Variants in PATL1 observed in about 807,000 individuals in gnomAD.
PATL1 encodes protein PAT1 homolog 1.
PATL1 carries 32 observed loss-of-function variants against 100.6 expected under a neutral mutation model. The ratio of observed to expected loss-of-function variants is 0.32; its 90% CI spans 0.24 to 0.43. The LOEUF is 0.43. Among genes scored for constraint, PATL1 ranks in the 20% least tolerant of loss-of-function variants. PATL1 has a pLI of 1.00. For synonymous variants in PATL1, 332 were observed against 330.0 expected (o/e 1.01, Z -0.07); for missense variants, 747 against 949.9 (o/e 0.79, Z 2.81).
intron 4 of PATL1, among the ~76,000 whole-genome samples, chr11:59,658,250 G>A (rs890516919): frequency 2.0e-5 from 3 of 151,298 alleles, no homozygotes; most frequent in African/African-American, 7.3e-5. Context: ...TGTAGTTAAC[G>A]CCTCCTGCCA....
chr11:59,649,691 T>C, intron 13 of PATL1, 81 bp from the exon 14 acceptor site: 1 of 1,366,762 alleles, frequency 7.3e-7, no homozygotes, highest in Non-Finnish European at 9.8e-7. Flanking sequence ...AGTTTAGGAC[T>C]ACTAGCTAAA....
At position 59,639,005 on chromosome 11, in the gene PATL1, C is replaced by T. The variant is rs1190715733; in HGVS notation, c.2291+43G>A. On this transcript the variant is annotated intron_variant, in intron 18 of 18. Transcript: ENST00000300146. Reference sequence around the variant, plus strand: ...GCCTCCCAACCATAACTTCTAAAGTCCCAACTTTAGTGAGATGTGAAACTC... The same window carrying T: ...GCCTCCCAACCATAACTTCTAAAGTTCCAACTTTAGTGAGATGTGAAACTC... 4 of 1,593,510 alleles carry T rather than the reference C, an allele frequency of 2.5e-6. No homozygotes were observed. In the African/African-American group the frequency reaches 4.0e-5, roughly 16 times the overall value.
intron 2 of PATL1, among the ~76,000 whole-genome samples, chr11:59,661,525 A>G (rs1245331762): frequency 6.6e-6 from 1 of 152,212 alleles, no homozygotes; most frequent in Non-Finnish European, 1.5e-5. Flanking sequence ...ATTATTTTGT[A>G]TATGTTATAT....
chr11:59,666,901 C>T lies in PATL1; in HGVS notation c.79G>A (p.Glu27Lys). Residue 27 changes from glutamate to lysine, a missense_variant, in exon 2 of 19, where the codon GAA (glutamate) becomes AAA (lysine). Physicochemically the swap from Glu to Lys is moderately conservative, Grantham distance 56 (BLOSUM62 1). Coordinates refer to ENST00000300146, the MANE Select transcript of PATL1 (RefSeq NM_152716.3). ...TCATCATTGAATTGATCAATCTCTTCATCTTCTTCTCCCAGTCCCTGAAAT... is the reference window on the plus strand; with the variant it reads ...TCATCATTGAATTGATCAATCTCTTTATCTTCTTCTCCCAGTCCCTGAAAT... ...DAFQGLGEED[E>K]EIDQFNDDTF... The T allele has an allele frequency of 6.4e-7, 1 of 1,551,150 alleles. No individual in the cohort carries two copies. Among genetic ancestry groups the T allele is most frequent in the Non-Finnish European group, 8.7e-7 (1 of 1,146,804 alleles).
chr11:59,642,935 C>T lies in PATL1; in HGVS notation c.1994G>A (p.Ser665Asn). ...LLRQLMNLPQSAATPALSNPH... is the reference protein window; with the variant it reads ...LLRQLMNLPQNAATPALSNPH... ...ATTGGAGAGTGCTGGTGTAGCTGCA[C>T]TTTGAGGTAGGTTCATTAGCTGTCG... The change falls in exon 16 of 19, where the codon AGT becomes AAT. Residue 665 changes from serine (S) to asparagine (N), a missense_variant. Coordinates refer to ENST00000300146, the MANE Select transcript of PATL1 (RefSeq NM_152716.3). 1 of 1,613,962 alleles carries T rather than the reference C, an allele frequency of 6.2e-7. No individual in the cohort carries two copies. Among genetic ancestry groups the T allele is most frequent in the Non-Finnish European group, 8.5e-7 (1 of 1,179,872 alleles).
At chr11:59,644,705 T>C (rs1309016797) in intron 15 of PATL1, among the ~76,000 whole-genome samples, 2 of 152,084 alleles carry the variant, frequency 1.3e-5, no homozygotes, top group Non-Finnish European at 2.9e-5. Flanking sequence ...TTCAGTAGGA[T>C]GTGGGAGGGA....
At position 59,659,351 on chromosome 11, in the gene PATL1, A is replaced by G. The variant is rs1861595345; in HGVS notation, c.246T>C (p.His82=). ...TGAGCCTTTCTGCCAGATTCTCCTC[A>G]TGGTCACCCAACAAGTCCATTTCAT... ...ERDEMDLLGD[H]EENLAERLSK... The change falls in exon 3 of 19, where the codon CAT becomes CAC. Residue 82 remains histidine, a synonymous_variant. Transcript: ENST00000300146. 1 of 1,551,252 alleles carries G rather than the reference A, an allele frequency of 6.4e-7. No homozygotes were observed. The highest frequency in any genetic ancestry group is 1.7e-4 in the Middle Eastern group (1 of 5,986).
rs1472988724 is a variant in PATL1, at chr11:59,638,214, G to A, written c.*176C>T. On this transcript the variant is annotated 3_prime_UTR_variant, in exon 19 of 19. Coordinates refer to ENST00000300146, the MANE Select transcript of PATL1 (RefSeq NM_152716.3). ...GTATCACCCAGCCAAATTTCATAGA[G>A]CAGTGGGGAAATATCTGACATTTAG... 3.1e-6 allele frequency: 2 copies of A among 646,808 alleles called. No individual in the cohort carries two copies. The highest frequency in any genetic ancestry group is 5.4e-6 in the Non-Finnish European group (2 of 369,120). The allele number at this position is 646,808 out of a possible 1,614,324, so 40.1% of individuals were successfully genotyped here. A position where few individuals can be genotyped will look rare whatever the true frequency, so the allele number is the denominator to read the frequency against.
chr11:59,639,418 C>A, intron 16 of PATL1, 35 bp from the exon 17 acceptor site: 1 of 1,499,862 alleles, frequency 6.7e-7, no homozygotes. Flanking sequence ...AAACTCAACA[C>A]TGTGTCTAAA....
At position 59,643,395 on chromosome 11, in the gene PATL1, A is replaced by G. The variant is rs1199723950; in HGVS notation, c.1894-360T>C. 2.6e-5 allele frequency among the ~76,000 whole-genome samples: 4 copies of G among 152,158 alleles called. No homozygotes were observed. In the East Asian group the frequency reaches 7.7e-4, roughly 29 times the overall value. ...GGCAAAAGGACACAGAACCTCAGGGATCTAAAGTATAGCGGAGAAGATATG... is the reference window on the plus strand; with the variant it reads ...GGCAAAAGGACACAGAACCTCAGGGGTCTAAAGTATAGCGGAGAAGATATG... On this transcript the variant is annotated intron_variant, in intron 15 of 18. Transcript: ENST00000300146.
At chr11:59,645,649 C>T (rs1008342631) in intron 15 of PATL1, among the ~76,000 whole-genome samples, 8 of 151,864 alleles carry the variant, frequency 5.3e-5, no homozygotes, top group African/African-American at 1.9e-4. Flanking sequence ...TAGTAGTCTC[C>T]AAAGGTGATC....
chr11:59,646,471 C>A (rs1861367699), intron 15 of PATL1, among the ~76,000 whole-genome samples: 1 of 152,178 alleles, frequency 6.6e-6, no homozygotes. Flanking sequence ...TAGGCGTAAG[C>A]CACTGTGCCC....
rs762892994 is a variant in PATL1, at chr11:59,652,517, C to T, written c.1373G>A (p.Arg458His). 1.8e-5 allele frequency: 29 copies of T among 1,613,544 alleles called. No individual in the cohort carries two copies. Among genetic ancestry groups the T allele is most frequent in the Admixed American group, 3.3e-5 (2 of 59,950 alleles). Residue 458 changes from arginine (R) to histidine (H), a missense_variant, in exon 11 of 19, where the codon CGC becomes CAC. By Grantham distance (29) the Arg-to-His change is conservative. Around this residue, in one of 4 missense-constraint regions of PATL1, gnomAD observed 434 missense variants for 596.1 expected, o/e 0.73. Coordinates refer to ENST00000300146, the MANE Select transcript of PATL1 (RefSeq NM_152716.3). ...EIQGDGPKKE[R>H]TKLITPQVAK... is the part of the protein sequence containing the mutation. ...CACCTGAGGGGTGATAAGCTTGGTG[C>T]GCTCCTTCTTAGGGCCATCACCTTG...
At chr11:59,657,871 T>C (rs1005176100) in intron 4 of PATL1, 147 bp from the exon 5 acceptor site, 2 of 690,394 alleles carry the variant, frequency 2.9e-6, no homozygotes, top group Non-Finnish European at 4.3e-6. Flanking sequence ...CTTTTTGGTA[T>C]ATGGTTCTCT....
Position 59,638,345 on chromosome 11 carries a change from G to A in PATL1, c.*45C>T, listed in dbSNP as rs758775727. Reference sequence around the variant, plus strand: ...ACACTCCATTGGTGATGGCAGCAGTGCAGGTGGCAGCCAAAAGGAGGTACA... The same window carrying A: ...ACACTCCATTGGTGATGGCAGCAGTACAGGTGGCAGCCAAAAGGAGGTACA... On this transcript the variant is annotated 3_prime_UTR_variant, in exon 19 of 19. Coordinates refer to ENST00000300146, the MANE Select transcript of PATL1 (RefSeq NM_152716.3). 2.5e-6 allele frequency: 4 copies of A among 1,588,238 alleles called. No homozygotes were observed. Among genetic ancestry groups the A allele is most frequent in the East Asian group, 2.2e-5 (1 of 44,708 alleles).
chr11:59,657,155 T>C (rs1406213703), intron 5 of PATL1: 1 of 982,560 alleles, frequency 1.0e-6, no homozygotes, highest in African/African-American at 1.7e-5. Flanking sequence ...GCACAGGCTC[T>C]AGGGAAAGCA....
At chr11:59,663,672 T>C (rs1861654190) in intron 2 of PATL1, among the ~76,000 whole-genome samples, 1 of 152,164 alleles carries the variant, frequency 6.6e-6, no homozygotes, top group South Asian at 2.1e-4. Flanking sequence ...GGAGTTGGGA[T>C]TACTGCAACA....
At chr11:59,654,625 C>A (rs1286695491) in intron 8 of PATL1, among the ~76,000 whole-genome samples, 1 of 151,710 alleles carries the variant, frequency 6.6e-6, no homozygotes, top group African/African-American at 2.4e-5. Flanking sequence ...AGGAGTAAAG[C>A]AGTATAATTC....
chr11:59,647,369 GT>G (rs780709665), intron 15 of PATL1, among the ~76,000 whole-genome samples: 1 of 152,028 alleles, frequency 6.6e-6, no homozygotes, highest in Non-Finnish European at 1.5e-5. Context: ...AAGACTATAA[GT>G]TTTCAAACTT....
Sources: gnomAD v4.1 joint callset for allele counts (sites outside exome capture counted in the v4.1 genomes callset) on GRCh38, gnomAD v4.1.1 for gene constraint, gnomAD v4.1.1 regional missense constraint, MANE v1.5 for transcripts, NCBI Gene and HGNC (gene_info 2026-07-23, HGNC 2026-07-21) for gene names.